NEK5: variants seen among roughly 807,000 people sequenced by gnomAD.
The protein encoded by NEK5 is serine/threonine-protein kinase Nek5.
Under a neutral mutation model 109.2 loss-of-function variants are expected in NEK5, and 88 were observed. The ratio of observed to expected loss-of-function variants is 0.81; its 90% confidence interval spans 0.68 to 0.96. The LOEUF is 0.96. NEK5 is among the 40% of genes least tolerant of loss of function. The pLI is 0.00. For missense variants in NEK5, 834 were observed against 920.7 expected (o/e 0.91, Z 1.22); for synonymous variants, 283 against 299.9 (o/e 0.94, Z 0.58).
At chr13:52,079,873 G>A (rs1405549371) in intron 17 of NEK5, among the ~76,000 whole-genome samples, 4 of 151,430 alleles carry the variant, frequency 2.6e-5, no homozygotes, top group South Asian at 2.1e-4. Flanking sequence ...CTGCCCGGCC[G>A]CCCATCGTCT....
chr13:52,065,644 C>T (rs1169322948), intron 20 of NEK5, 35 bp from the exon 21 acceptor site: 2 of 1,496,042 alleles, frequency 1.3e-6, no homozygotes, highest in Admixed American at 3.4e-5. Context: ...AATTCGAAAG[C>T]AGTCAAAGTG....
At chr13:52,037,922 C>A (rs1193986829) in intron 23 of NEK5, among the ~76,000 whole-genome samples, 71 of 141,702 alleles carry the variant, frequency 5.0e-4, no homozygotes, top group Non-Finnish European at 4.7e-4. Flanking sequence ...GACTCCGTCT[C>A]AAAAAAAAAA....
chr13:52,068,595 G>C (rs1954728583), intron 20 of NEK5, among the ~76,000 whole-genome samples: 1 of 152,052 alleles, frequency 6.6e-6, no homozygotes, highest in Non-Finnish European at 1.5e-5. Context: ...ATTTAAATCA[G>C]TCTTATAAAG....
chr13:52,083,475 C>A, intron 16 of NEK5, 123 bp from the exon 17 acceptor site: 1 of 630,506 alleles, frequency 1.6e-6, no homozygotes, highest in Non-Finnish European at 2.9e-6. Flanking sequence ...TCCTTTTCCC[C>A]GCCACAGCTT....
At chr13:52,109,865 C>G (rs944073908) in intron 7 of NEK5, among the ~76,000 whole-genome samples, 4 of 152,156 alleles carry the variant, frequency 2.6e-5, no homozygotes, top group Non-Finnish European at 5.9e-5. Context: ...CCATGTACAT[C>G]TAATTGATGT....
intron 17 of NEK5, among the ~76,000 whole-genome samples, chr13:52,082,848 T>G (rs1332838087): frequency 1.3e-5 from 2 of 152,180 alleles, no homozygotes; most frequent in Non-Finnish European, 2.9e-5. Context: ...GAGAGGCATC[T>G]GAGTTTTTAA....
Position 52,082,072 on chromosome 13 carries a change from T to C in NEK5, c.1572+1188A>G, listed in dbSNP as rs546846210. The stretch of plus-strand genomic sequence containing the variant: ...GGCTCATGCCTATAATCCCAGCACT[T>C]TGGGAGGCTGAGGCAGGTGGATCAC... On this transcript the variant is annotated intron_variant, in intron 17 of 23. Transcript: ENST00000684899. Among the ~76,000 whole-genome samples the C allele has an allele frequency of 3.0e-4, 45 of 152,304 alleles. 1 individual carries two copies. The South Asian group carries it at 9.3e-3, about 32-fold the overall frequency.
chr13:52,097,049 C>G (rs995241208), intron 12 of NEK5, among the ~76,000 whole-genome samples: 1 of 152,184 alleles, frequency 6.6e-6, no homozygotes, highest in Non-Finnish European at 1.5e-5. Context: ...GGGTGCAAGC[C>G]GTAAATCTTG....
At chr13:52,074,617 C>T (rs771414609) in intron 19 of NEK5, among the ~76,000 whole-genome samples, 15 of 152,034 alleles carry the variant, frequency 9.9e-5, no homozygotes, top group Non-Finnish European at 2.2e-4. Context: ...GCAACAAAAA[C>T]AAAATTGACA....
intron 12 of NEK5, among the ~76,000 whole-genome samples, chr13:52,094,143 A>G (rs1379524601): frequency 6.6e-6 from 1 of 152,218 alleles, no homozygotes; most frequent in African/African-American, 2.4e-5. Flanking sequence ...TAGGAGAACC[A>G]GAAATGACAG....
At chr13:52,074,729 G>T (rs1954837272) in intron 19 of NEK5, among the ~76,000 whole-genome samples, 1 of 152,066 alleles carries the variant, frequency 6.6e-6, no homozygotes, top group South Asian at 2.1e-4. Context: ...TGCAAACTAT[G>T]CATCCAACAA....
intron 23 of NEK5, among the ~76,000 whole-genome samples, chr13:52,044,794 G>A (rs1052056261): frequency 6.6e-6 from 1 of 152,112 alleles, no homozygotes; most frequent in African/African-American, 2.4e-5. Flanking sequence ...ATATACAGAA[G>A]CATAACCAGG....
chr13:52,127,692 C>G, intron 1 of NEK5, 30 bp from the exon 2 acceptor site: 3 of 518,814 alleles, frequency 5.8e-6, no homozygotes, highest in Non-Finnish European at 1.0e-5. Flanking sequence ...CTTGGTCAGA[C>G]ACGGGTCATA....
In NEK5 at chr13:52,112,684, G is replaced by A. The variant is rs1955780745; in HGVS notation, c.215-319C>T. Among the ~76,000 whole-genome samples the A allele has an allele frequency of 2.0e-5, 3 of 152,190 alleles. No individual in the cohort carries two copies. The South Asian group carries it at 6.2e-4, about 32-fold the overall frequency. On this transcript the variant is annotated intron_variant, in intron 4 of 23. Transcript: ENST00000684899. The stretch of plus-strand genomic sequence containing the variant: ...TTTTTATTAATACATTCCTTTGAGA[G>A]GTTAGAAATCTGCTGTAAAAATAGC...
chr13:52,077,873 G>C (rs894658015), intron 17 of NEK5, among the ~76,000 whole-genome samples: 1 of 152,056 alleles, frequency 6.6e-6, no homozygotes, highest in Non-Finnish European at 1.5e-5. Context: ...TCGGGAGTTC[G>C]AGACCAGCCT....
At chr13:52,083,412 T>G in intron 16 of NEK5, 60 bp from the exon 17 acceptor site, 1 of 992,634 alleles carries the variant, frequency 1.0e-6, no homozygotes, top group Non-Finnish European at 1.6e-6. Flanking sequence ...TGAAGGCTAC[T>G]TGGCTGATGC....
rs187791959 is a variant in NEK5, at chr13:52,033,898, A to C, written c.*3050T>G. 1 of 152,324 alleles carries C rather than the reference A, an allele frequency of 6.6e-6. No homozygotes were observed. The highest frequency in any genetic ancestry group is 6.5e-5 in the Admixed American group (1 of 15,296). 9.4% of individuals were successfully genotyped at this position (152,324 alleles called of 1,614,324 possible). ...GTTAATTATATAACTACAACACGAA[A>C]CACAAATTTTTAGAAGCAAATTATG... On this transcript the variant is annotated 3_prime_UTR_variant, in exon 24 of 24. Coordinates refer to ENST00000684899, the MANE Select transcript of NEK5 (RefSeq NM_001365552.1).
chr13:52,066,753 G>A (rs572809945), intron 20 of NEK5, among the ~76,000 whole-genome samples: 10 of 150,816 alleles, frequency 6.6e-5, no homozygotes, highest in South Asian at 2.1e-4. Context: ...GCAGTGAGCC[G>A]AGATCACGCC....
At chr13:52,082,884 C>T (rs980890899) in intron 17 of NEK5, among the ~76,000 whole-genome samples, 3 of 152,212 alleles carry the variant, frequency 2.0e-5, no homozygotes, top group African/African-American at 2.4e-5. Context: ...GGCGGTGGCT[C>T]ATGCCTATAA....
Sources: gnomAD v4.1 joint callset for allele counts (sites outside exome capture counted in the v4.1 genomes callset) on GRCh38, gnomAD v4.1.1 for gene constraint, MANE v1.5 for transcripts, NCBI Gene and HGNC (gene_info 2026-07-23, HGNC 2026-07-21) for gene names.